The following JAML variants were observed in gnomAD, a reference collection of about 807,000 sequenced individuals.
JAML encodes the protein junctional adhesion molecule-like.
JAML carries 25 observed loss-of-function variants against 39.3 expected under a neutral mutation model. The observed-to-expected ratio is 0.64, with a 90% CI of 0.46 to 0.89. The LOEUF (loss-of-function observed/expected upper bound fraction) is 0.89. JAML is among the 40% of genes least tolerant of loss of function. The pLI is 0.00. For missense variants in JAML, 440 were observed against 486.9 expected (o/e 0.90, Z 0.91); for synonymous variants, 162 against 179.2 (o/e 0.90, Z 0.77).
chr11:118,206,571 T>C (rs1428016978), intron 4 of JAML, among the ~76,000 whole-genome samples: 4 of 152,232 alleles, frequency 2.6e-5, no homozygotes, highest in Non-Finnish European at 5.9e-5. Context: ...TTTTCTTTTA[T>C]TCTAGGACCT....
Position 118,200,517 on chromosome 11 carries a change from G to A in JAML, c.868C>T (p.Pro290Ser), listed in dbSNP as rs777422357. Residue 290 changes from proline to serine, a missense_variant, in exon 7 of 10, where the codon CCT becomes TCT. Physicochemically the swap from Pro to Ser is moderately conservative, Grantham distance 74. Transcript: ENST00000356289. ...GIVCATILLL[P>S]VLILIVKKTC... Reference sequence around the variant, plus strand: ...TTCTTCACGATCAATATCAGAACAGGGAGCAGCAGGATTGTGGCACAGACA... The same window carrying A: ...TTCTTCACGATCAATATCAGAACAGAGAGCAGCAGGATTGTGGCACAGACA... 22 of 1,613,946 alleles carry A rather than the reference G, an allele frequency of 1.4e-5. No homozygotes were observed. The highest frequency in any genetic ancestry group is 1.9e-5 in the Non-Finnish European group (22 of 1,180,008).
chr11:118,197,174 A>C (rs777952221), intron 8 of JAML: 9 of 245,448 alleles, frequency 3.7e-5, no homozygotes, highest in Non-Finnish European at 6.5e-5. Flanking sequence ...ATCAGCAGTG[A>C]ATTGTCATCA....
rs943606644 is a variant in JAML at position 118,222,773 on chromosome 11, G to A, written c.-21+2168C>T. 6.6e-6 allele frequency among the ~76,000 whole-genome samples: 1 copy of A among 152,130 alleles called. No homozygotes were observed. Among genetic ancestry groups the A allele is most frequent in the African/African-American group, 2.4e-5 (1 of 41,436 alleles). ...AGAACGTAATTTTGTCTAGCTCAGA[G>A]GGTTTTAACTATTGGCCTCACCTAA... On this transcript the variant is annotated intron_variant, in intron 1 of 9. Transcript: ENST00000356289. The surrounding 1 kb of genome is among the most constrained non-coding windows in gnomAD (Gnocchi z 4.2).
At position 118,212,771 on chromosome 11, in the gene JAML, C is replaced by T; in HGVS notation, c.44-210G>A. The T allele has an allele frequency of 1.9e-6, 3 of 1,585,666 alleles. No homozygotes were observed. The South Asian group carries it at 3.4e-5, about 18-fold the overall frequency. On this transcript the variant is annotated intron_variant, in intron 2 of 9. Transcript: ENST00000356289. ...GAAGGATTCTGCAATCTTCATACTACAATAAATGCTATCTGGCTCCCTCCT... is the reference window on the plus strand; with the variant it reads ...GAAGGATTCTGCAATCTTCATACTATAATAAATGCTATCTGGCTCCCTCCT...
chr11:118,214,805 T>TCC lies in JAML; in HGVS notation c.43+17_43+18dup, dbSNP rs766035205. On this transcript the variant is annotated intron_variant, in intron 2 of 9. Coordinates refer to ENST00000356289, the MANE Select transcript of JAML (RefSeq NM_001098526.2). ...AGGAGAAATCAAATACCCCACGGAG[T>TCC]CCCTTAGCTTCTACTTACCCAGTAA... The TCC allele has an allele frequency of 7.4e-6, 12 of 1,612,066 alleles. No individual in the cohort carries two copies. The South Asian group carries it at 1.1e-4, about 15-fold the overall frequency.
rs2134681163 is a variant in JAML at position 118,222,414 on chromosome 11, A to C, written c.-21+2527T>G. ...CAACCTGGCGACAGAGCGAGACTCC[A>C]TCTAAACAAACAAAAAGCCCCTGCT... is the stretch of plus-strand genomic sequence containing the variant. On this transcript the variant is annotated intron_variant, in intron 1 of 9. Transcript: ENST00000356289. The surrounding 1 kb of genome is among the most constrained non-coding windows in gnomAD (Gnocchi z 4.2). Among the ~76,000 whole-genome samples, 1 of 151,964 alleles carries C rather than the reference A, an allele frequency of 6.6e-6. No homozygotes were observed. The highest frequency in any genetic ancestry group is 1.5e-5 in the Non-Finnish European group (1 of 67,932).
chr11:118,198,370 G>T (rs11216810), intron 7 of JAML, among the ~76,000 whole-genome samples: 1 of 152,156 alleles, frequency 6.6e-6, no homozygotes, highest in African/African-American at 2.4e-5. Context: ...TATGGGAGAG[G>T]TAATTTTAAG....
At chr11:118,197,731 A>T (rs775833664) in intron 8 of JAML, 38 of 398,886 alleles carry the variant, frequency 9.5e-5, no homozygotes, top group Middle Eastern at 1.4e-3. Flanking sequence ...AGACTCAGGG[A>T]GGTGGCAGAT....
intron 6 of JAML, chr11:118,202,980 G>C (rs574126929): frequency 1.1e-4 from 51 of 457,326 alleles, no homozygotes; most frequent in African/African-American, 8.8e-4. Flanking sequence ...TTTGGTTCTG[G>C]TGCCTGCATG....
At chr11:118,208,486 C>T (rs982234388) in intron 4 of JAML, among the ~76,000 whole-genome samples, 10 of 152,226 alleles carry the variant, frequency 6.6e-5, no homozygotes, top group South Asian at 2.1e-4. Context: ...CCAGGGGCTA[C>T]GCCCAGGCAA....
intron 4 of JAML, chr11:118,209,010 C>A (rs1205723854): frequency 8.5e-6 from 2 of 235,190 alleles, no homozygotes; most frequent in Non-Finnish European, 1.8e-5. Flanking sequence ...TTGGTGCCTC[C>A]ATATTCTAGA....
chr11:118,213,181 C>G, intron 2 of JAML: 1 of 1,383,464 alleles, frequency 7.2e-7, no homozygotes, highest in South Asian at 1.7e-5. Flanking sequence ...GTGCTTCACA[C>G]AGGGACCCCT....
intron 4 of JAML, chr11:118,209,151 T>C: frequency 3.1e-6 from 1 of 326,326 alleles, no homozygotes; most frequent in Non-Finnish European, 6.1e-6. Context: ...GGAAGCATAA[T>C]GCCTCCTTTG....
chr11:118,204,203 C>A (rs543569635), intron 5 of JAML: 1 of 165,164 alleles, frequency 6.1e-6, no homozygotes, highest in South Asian at 1.5e-4. Context: ...AAATATATCC[C>A]CAATCCAGCC....
At chr11:118,211,617 ATG>A (rs1389654502) in intron 3 of JAML, among the ~76,000 whole-genome samples, 1 of 152,212 alleles carries the variant, frequency 6.6e-6, no homozygotes, top group Non-Finnish European at 1.5e-5. Context: ...AAAAATTTGA[ATG>A]AGAGTAGCAT....
chr11:118,210,779 G>T, intron 3 of JAML, 67 bp from the exon 4 acceptor site: 2 of 1,336,374 alleles, frequency 1.5e-6, no homozygotes, highest in Non-Finnish European at 2.1e-6. Context: ...GGATCCCAAA[G>T]ACTCTGTTAT....
rs1041276751 is a variant in JAML, at chr11:118,212,497, A to G, written c.108T>C (p.Asp36=). Reference sequence around the variant, plus strand: ...GGAAAACACATCCCATCAGAGCTGAATCACCCACATGGACTGTTAGCTCAG... The same window carrying G: ...GGAAAACACATCCCATCAGAGCTGAGTCACCCACATGGACTGTTAGCTCAG... The part of the protein sequence containing the change: ...SPPELTVHVG[D]SALMGCVFQS... Residue 36 remains aspartate (D), a synonymous_variant, in exon 3 of 10, where the codon GAT becomes GAC. Coordinates refer to ENST00000356289, the MANE Select transcript of JAML (RefSeq NM_001098526.2). 3.1e-6 allele frequency: 5 copies of G among 1,614,064 alleles called. No individual in the cohort carries two copies. Among genetic ancestry groups the G allele is most frequent in the Non-Finnish European group, 4.2e-6 (5 of 1,180,018 alleles).
At chr11:118,197,821 T>C (rs986912837) in intron 8 of JAML, 177 bp downstream of exon 8, 8 of 595,122 alleles carry the variant, frequency 1.3e-5, no homozygotes, top group Admixed American at 9.1e-5. Context: ...GCCGACCCCA[T>C]GCACTGTACT....
intron 1 of JAML, among the ~76,000 whole-genome samples, chr11:118,221,038 CAT>C (rs1193286694): frequency 1.3e-5 from 2 of 152,176 alleles, no homozygotes; most frequent in African/African-American, 4.8e-5. Context: ...AGCTCCCTGT[CAT>C]AGAGATGCCT....
Sources: gnomAD v4.1 joint callset for allele counts (sites outside exome capture counted in the v4.1 genomes callset) on GRCh38, gnomAD v4.1.1 for gene constraint, Gnocchi (gnomAD v3.1) non-coding constraint, MANE v1.5 for transcripts, NCBI Gene and HGNC (gene_info 2026-07-23, HGNC 2026-07-21) for gene names.